Variants in SHANK2 observed in about 807,000 individuals in gnomAD.
The protein encoded by SHANK2 is SH3 and multiple ankyrin repeat domains 2, also known as SH3 and multiple ankyrin repeat domains protein 2.
Under a neutral mutation model 133.7 loss-of-function variants are expected in SHANK2, and 43 were observed. That is an observed-to-expected ratio of 0.32 (90% CI 0.25 to 0.41). SHANK2 has a LOEUF of 0.41. SHANK2 is among the 10% of genes least tolerant of loss of function. SHANK2 has a pLI of 1.00. For synonymous variants in SHANK2, 1,017 were observed against 952.8 expected, an observed-to-expected ratio of 1.07 and a Z score of -1.24; for missense variants, 1,994 against 2,235.8, an observed-to-expected ratio of 0.89 and a Z score of 2.18.
chr11:70,488,485 C>A (rs564812078), intron 24 of SHANK2, among the ~76,000 whole-genome samples: 1 of 152,328 alleles, frequency 6.6e-6, no homozygotes, highest in Admixed American at 6.5e-5. Context: ...ACTAAGGGTT[C>A]TATGTGTCCT....
At chr11:70,671,323 C>G (rs1364214650) in intron 15 of SHANK2, among the ~76,000 whole-genome samples, 1 of 152,048 alleles carries the variant, frequency 6.6e-6, no homozygotes, top group Non-Finnish European at 1.5e-5. Context: ...GGAAGCTGAG[C>G]ACCCCGGTGG....
chr11:70,844,094 C>CG (rs1228414885), intron 11 of SHANK2, among the ~76,000 whole-genome samples: 2 of 152,104 alleles, frequency 1.3e-5, no homozygotes, highest in Non-Finnish European at 2.9e-5. Context: ...GATGAGTGGG[C>CG]GCCTCCATCC....
At chr11:71,209,938 C>T (rs1433070732) in intron 2 of SHANK2, among the ~76,000 whole-genome samples, 1 of 151,850 alleles carries the variant, frequency 6.6e-6, no homozygotes, top group Non-Finnish European at 1.5e-5. Flanking sequence ...AGTGGGGTAT[C>T]TCTGGGAGTG....
At chr11:70,805,297 C>A (rs892238175) in intron 13 of SHANK2, among the ~76,000 whole-genome samples, 1 of 152,222 alleles carries the variant, frequency 6.6e-6, no homozygotes, top group African/African-American at 2.4e-5. Flanking sequence ...ACAAGAAGAC[C>A]GTGTGTCCCT....
intron 10 of SHANK2, among the ~76,000 whole-genome samples, chr11:70,955,236 G>A (rs545503482): frequency 2.6e-5 from 4 of 152,216 alleles, no homozygotes; most frequent in East Asian, 1.9e-4. Flanking sequence ...CCTGGAGACC[G>A]ACAGAATGAC....
In SHANK2 at chr11:70,560,714, C is replaced by T. The variant is rs147701671; in HGVS notation, c.2062-57783G>A. Among the ~76,000 whole-genome samples, 62 of 151,844 alleles carry T rather than the reference C, an allele frequency of 4.1e-4. 1 individual carries two copies. The highest frequency in any genetic ancestry group is 1.4e-3 in the African/African-American group (58 of 41,390). The stretch of plus-strand genomic sequence containing the variant: ...TGGCACGATCTCGGCTCACTGTGAC[C>T]TCCAACTCCCGGGTTCAAGCGATTC... On this transcript the variant is annotated intron_variant, in intron 17 of 25. Transcript: ENST00000601538.
chr11:70,650,594 C>A (rs1306282023), intron 17 of SHANK2, among the ~76,000 whole-genome samples: 2 of 152,200 alleles, frequency 1.3e-5, no homozygotes, highest in African/African-American at 4.8e-5. Context: ...TCACTAACAA[C>A]CCAGGCCCCC....
chr11:70,618,549 G>T (rs1452627845), intron 17 of SHANK2, among the ~76,000 whole-genome samples: 1 of 152,146 alleles, frequency 6.6e-6, no homozygotes, highest in Non-Finnish European at 1.5e-5. Flanking sequence ...TCACCTGCAG[G>T]TGATGTGCAT....
intron 14 of SHANK2, among the ~76,000 whole-genome samples, chr11:70,730,152 C>T (rs533348607): frequency 6.6e-6 from 1 of 152,158 alleles, no homozygotes; most frequent in Admixed American, 6.5e-5. Context: ...GTGTTTCAAT[C>T]TTATCATCAA....
intron 17 of SHANK2, among the ~76,000 whole-genome samples, chr11:70,605,368 C>A (rs552244955): frequency 1.3e-5 from 2 of 152,220 alleles, no homozygotes; most frequent in Admixed American, 6.5e-5. Flanking sequence ...GGTGAGCCCG[C>A]GACAGGCGCA....
chr11:70,939,257 C>T (rs1372230105), intron 10 of SHANK2, among the ~76,000 whole-genome samples: 1 of 152,054 alleles, frequency 6.6e-6, no homozygotes, highest in Non-Finnish European at 1.5e-5. Context: ...GGCAGATCAC[C>T]TGAGGTCAGG....
intron 14 of SHANK2, among the ~76,000 whole-genome samples, chr11:70,769,214 G>A (rs1024752242): frequency 4.6e-5 from 7 of 152,192 alleles, no homozygotes; most frequent in African/African-American, 1.7e-4. Context: ...TCAGCGGAGC[G>A]AGTGCAGCCC....
intron 17 of SHANK2, among the ~76,000 whole-genome samples, chr11:70,632,361 G>A (rs1034938204): frequency 1.1e-4 from 17 of 151,850 alleles, no homozygotes; most frequent in African/African-American, 1.7e-4. Flanking sequence ...TCCTGACCTC[G>A]TGATCCGCCC....
intron 17 of SHANK2, among the ~76,000 whole-genome samples, chr11:70,562,019 T>G (rs954062294): frequency 4.6e-5 from 7 of 152,230 alleles, no homozygotes; most frequent in Non-Finnish European, 8.8e-5. Flanking sequence ...GGTTCCAATA[T>G]TTTCTAATTT....
At chr11:71,134,840 G>A (rs1253786837) in intron 3 of SHANK2, among the ~76,000 whole-genome samples, 4 of 151,912 alleles carry the variant, frequency 2.6e-5, no homozygotes, top group African/African-American at 9.7e-5. Flanking sequence ...CACTTCCCAG[G>A]GTCCCAGCCT....
intron 2 of SHANK2, among the ~76,000 whole-genome samples, chr11:71,206,051 T>A (rs187002391): frequency 1.3e-4 from 20 of 152,308 alleles, no homozygotes; most frequent in African/African-American, 4.8e-4. Context: ...CGCGCCAGCC[T>A]GCATGGAACC....
At chr11:70,551,276 G>A (rs938640204) in intron 17 of SHANK2, among the ~76,000 whole-genome samples, 10 of 152,098 alleles carry the variant, frequency 6.6e-5, no homozygotes, top group East Asian at 1.9e-4. Flanking sequence ...GCCTTGAGAC[G>A]GAGGCTGGAG....
At chr11:70,852,844 A>T (rs1949108693) in intron 11 of SHANK2, among the ~76,000 whole-genome samples, 1 of 152,198 alleles carries the variant, frequency 6.6e-6, no homozygotes, top group African/African-American at 2.4e-5. Context: ...CTCTGTCTCA[A>T]TCAATCAATC....
At chr11:70,780,375 A>T (rs1555044861) in intron 14 of SHANK2, among the ~76,000 whole-genome samples, 2 of 152,152 alleles carry the variant, frequency 1.3e-5, no homozygotes, top group African/African-American at 4.8e-5. Flanking sequence ...TTCGATCCCC[A>T]GTAACCAGAA....
Sources: allele counts gnomAD v4.1 joint callset (sites outside exome capture counted in the v4.1 genomes callset), GRCh38; gene constraint gnomAD v4.1.1; transcripts MANE v1.5; gene names NCBI Gene and HGNC (gene_info 2026-07-23, HGNC 2026-07-21).